The following POGK variants were observed in gnomAD, a reference collection of about 807,000 sequenced individuals.
POGK encodes the protein pogo transposable element derived with KRAB domain.
A neutral mutation model predicts 54.4 loss-of-function variants in POGK; 16 were observed. The ratio of observed to expected loss-of-function variants is 0.29; its 90% CI spans 0.20 to 0.45. The LOEUF is 0.45. Ranked by LOEUF, POGK falls within the 20% of genes least tolerant of loss-of-function variation. POGK has a pLI of 1.00. For synonymous variants in POGK, 271 were observed against 302.2 expected, an observed-to-expected ratio of 0.90 and a Z score of 1.07; for missense variants, 515 against 795.6, an observed-to-expected ratio of 0.65 and a Z score of 4.24.
chr1:166,845,902 T>A (rs1657825511), intron 2 of POGK, among the ~76,000 whole-genome samples: 1 of 152,160 alleles, frequency 6.6e-6, no homozygotes, highest in Non-Finnish European at 1.5e-5. Flanking sequence ...GCCTACCTGG[T>A]CCAGGATCAA....
In POGK at chr1:166,849,888, C is replaced by T. The variant is rs752253527; in HGVS notation, c.1309C>T (p.Arg437Trp). The T allele has an allele frequency of 1.2e-6, 2 of 1,614,182 alleles. No homozygotes were observed. The highest frequency in any genetic ancestry group is 1.3e-5 in the African/African-American group (1 of 75,046). Residue 437 changes from arginine (R) to tryptophan (W), a missense_variant, in exon 5 of 6, where the codon CGG (arginine) becomes TGG (tryptophan). Transcript: ENST00000367876. ...FPSGMEIRCH[R>W]YGWMTEDLMQ... is the part of the protein sequence containing the mutation. ...CAGTGGGATGGAAATTCGCTGCCAC[C>T]GGTATGGGTGGATGACTGAAGACTT...
At chr1:166,846,887 T>A in intron 3 of POGK, 149 bp downstream of exon 3, 1 of 1,127,348 alleles carries the variant, frequency 8.9e-7, no homozygotes, top group Non-Finnish European at 1.3e-6. Flanking sequence ...CAATTTTTGA[T>A]TTGGGCAGTA....
rs1658008325 is a variant in POGK at position 166,850,328 on chromosome 1, G to A, written c.1749G>A (p.Leu583=). ...ACTTGGAGGAGGAAGACGATGTCCTGTGGGAAATCGAGAGTGAGTTGCCAG... is the reference window on the plus strand; with the variant it reads ...ACTTGGAGGAGGAAGACGATGTCCTATGGGAAATCGAGAGTGAGTTGCCAG... The part of the protein sequence containing the change: ...SSNLEEEDDV[L]WEIESELPGG... Residue 583 remains leucine, a synonymous_variant, in exon 5 of 6, where the codon CTG becomes CTA. Coordinates refer to ENST00000367876, the MANE Select transcript of POGK (RefSeq NM_017542.5). The A allele has an allele frequency of 1.2e-6, 2 of 1,612,546 alleles. No homozygotes were observed. The highest frequency in any genetic ancestry group is 1.7e-6 in the Non-Finnish European group (2 of 1,179,284).
intron 4 of POGK, 97 bp downstream of exon 4, chr1:166,847,689 G>C: frequency 9.3e-5 from 84 of 906,306 alleles, no homozygotes; most frequent in Non-Finnish European, 1.2e-4. Context: ...GAGGTAGAAG[G>C]ATTATGGGTT....
rs1308043552 is a variant in POGK, at chr1:166,850,351, C to A, written c.1772C>A (p.Pro591Gln). 1 of 1,613,286 alleles carries A rather than the reference C, an allele frequency of 6.2e-7. No individual in the cohort carries two copies. Among genetic ancestry groups the A allele is most frequent in the Non-Finnish European group, 8.5e-7 (1 of 1,179,790 alleles). Residue 591 changes from proline to glutamine, a missense_variant, in exon 5 of 6, where the codon CCA becomes CAA. Physicochemically the swap from Pro to Gln is moderately conservative, Grantham distance 76. Transcript: ENST00000367876. ...DVLWEIESEL[P>Q]GGGEPPKDCD... is the part of the protein sequence containing the mutation. Reference sequence around the variant, plus strand: ...CTGTGGGAAATCGAGAGTGAGTTGCCAGGAGGAGGAGAACCACCAAAAGAT... The same window carrying A: ...CTGTGGGAAATCGAGAGTGAGTTGCAAGGAGGAGGAGAACCACCAAAAGAT...
At chr1:166,841,424 G>A (rs1046504347) in intron 2 of POGK, among the ~76,000 whole-genome samples, 4 of 152,192 alleles carry the variant, frequency 2.6e-5, no homozygotes, top group African/African-American at 9.7e-5. Context: ...CTTACTGCTG[G>A]TTGAAGGGAA....
rs1658236556 is a variant in POGK at position 166,855,280 on chromosome 1, ATTC to A, written c.*2712_*2714del. ...ATTCCTGCAGGAAAAAATAAGTTTT[ATTC>A]TAAGTCTGAAATTATATGGTTTCCA... On this transcript the variant is annotated 3_prime_UTR_variant, in exon 6 of 6. Transcript: ENST00000367876. 1 of 152,158 alleles carries A rather than the reference ATTC, an allele frequency of 6.6e-6. No homozygotes were observed. The highest frequency in any genetic ancestry group is 2.4e-5 in the African/African-American group (1 of 41,440). The allele number at this position is 152,158 out of a possible 1,614,324, so 9.4% of individuals were successfully genotyped here.
Position 166,848,968 on chromosome 1 carries a change from A to G in POGK, c.389A>G (p.Asp130Gly), listed in dbSNP as rs1329670652. The G allele has an allele frequency of 1.4e-5, 23 of 1,609,776 alleles. No homozygotes were observed. Among genetic ancestry groups the G allele is most frequent in the Non-Finnish European group, 1.7e-5 (20 of 1,178,526 alleles). Residue 130 changes from aspartate to glycine, a missense_variant, in exon 5 of 6, where the codon GAC (aspartate) becomes GGC (glycine). Physicochemically the swap from Asp to Gly is moderately conservative, Grantham distance 94 (BLOSUM62 -1). This residue lies in a region of POGK where 461 missense variants were observed against 743.5 expected (regional missense o/e 0.62). Coordinates refer to ENST00000367876, the MANE Select transcript of POGK (RefSeq NM_017542.5). ...ENEESDVKPP[D>G]WPNPMNATSQ... The stretch of plus-strand genomic sequence containing the variant: ...GAAGAATCTGACGTAAAGCCTCCAG[A>G]CTGGCCAAACCCAATGAATGCTACC...
intron 4 of POGK, among the ~76,000 whole-genome samples, 184 bp downstream of exon 4, chr1:166,847,776 GC>G (rs1489954496): frequency 2.0e-5 from 3 of 152,198 alleles, no homozygotes; most frequent in African/African-American, 7.2e-5. Context: ...TTACCTCAGA[GC>G]TTCCATTCTT....
Position 166,841,403 on chromosome 1 carries a change from ATGTT to A in POGK, c.132+320_132+323del, listed in dbSNP as rs1280256809. Among the ~76,000 whole-genome samples the A allele has an allele frequency of 5.3e-5, 8 of 152,284 alleles. No individual in the cohort carries two copies. The East Asian group carries it at 1.5e-3, about 29-fold the overall frequency. On this transcript the variant is annotated intron_variant, in intron 2 of 5. Coordinates refer to ENST00000367876, the MANE Select transcript of POGK (RefSeq NM_017542.5). ...CAGGCACATTGTAGGCACCAAGTAA[ATGTT>A]TGTTGACTTACTGCTGGTTGAAGGG... is the stretch of plus-strand genomic sequence containing the variant.
rs767478116 is a variant in POGK, at chr1:166,849,208, A to G, written c.629A>G (p.Glu210Gly). The G allele has an allele frequency of 1.9e-6, 3 of 1,614,190 alleles. No homozygotes were observed. Among genetic ancestry groups the G allele is most frequent in the Non-Finnish European group, 2.5e-6 (3 of 1,180,032 alleles). The change falls in exon 5 of 6, where the codon GAA (glutamate) becomes GGA (glycine). Residue 210 changes from glutamate (E) to glycine (G), a missense_variant. Physicochemically the swap from Glu to Gly is moderately conservative, Grantham distance 98 (BLOSUM62 -2). Transcript: ENST00000367876. The stretch of plus-strand genomic sequence containing the variant: ...GCAGGGTTCAAGCTGATGGTAGTGG[A>G]ATATGCTGAGAGTACCAACAACTGC... ...YDAGFKLMVVEYAESTNNCQA... is the reference protein window; with the variant it reads ...YDAGFKLMVVGYAESTNNCQA...
chr1:166,841,068 A>T lies in POGK; in HGVS notation c.112A>T (p.Ile38Phe). 6.2e-7 allele frequency: 1 copy of T among 1,613,942 alleles called. No individual in the cohort carries two copies. Among genetic ancestry groups the T allele is most frequent in the Non-Finnish European group, 8.5e-7 (1 of 1,179,950 alleles). Residue 38 changes from isoleucine (I) to phenylalanine (F), a missense_variant, in exon 2 of 6, where the codon ATC becomes TTC. By Grantham distance (21) the Ile-to-Phe change is conservative. Transcript: ENST00000367876. ...CCCGGCAGACATGCAGAAAGTACGA[A>T]TCTGCTCTGAGGGCGGATGGGTAAG... ...DGPADMQKVR[I>F]CSEGGWVPAL...
rs2101765198 is a variant in POGK at position 166,849,627 on chromosome 1, C to T, written c.1048C>T (p.Arg350Cys). ...VTYQRSVLAL[R>C]RAHDYEVAQM... ...TTACCAGCGCAGTGTCCTGGCTCTGCGCAGGGCGCATGACTATGAGGTAGC... is the reference window on the plus strand; with the variant it reads ...TTACCAGCGCAGTGTCCTGGCTCTGTGCAGGGCGCATGACTATGAGGTAGC... Residue 350 changes from arginine (R) to cysteine (C), a missense_variant, in exon 5 of 6, where the codon CGC becomes TGC. Around this residue, in one of 2 missense-constraint regions of POGK, gnomAD observed 461 missense variants for 743.5 expected, o/e 0.62. Coordinates refer to ENST00000367876, the MANE Select transcript of POGK (RefSeq NM_017542.5). 9 of 1,614,280 alleles carry T rather than the reference C, an allele frequency of 5.6e-6. No homozygotes were observed. Among genetic ancestry groups the T allele is most frequent in the Non-Finnish European group, 7.6e-6 (9 of 1,180,058 alleles).
At chr1:166,847,997 A>G (rs985811243) in intron 4 of POGK, among the ~76,000 whole-genome samples, 7 of 152,230 alleles carry the variant, frequency 4.6e-5, no homozygotes, top group Non-Finnish European at 7.3e-5. Context: ...ACTGGATAGA[A>G]AAAGCAATAG....
Position 166,849,628 on chromosome 1 carries a change from G to A in POGK, c.1049G>A (p.Arg350His). Residue 350 changes from arginine (R) to histidine (H), a missense_variant, in exon 5 of 6, where the codon CGC (arginine) becomes CAC (histidine). This residue lies in a region of POGK where 461 missense variants were observed against 743.5 expected (regional missense o/e 0.62). Coordinates refer to ENST00000367876, the MANE Select transcript of POGK (RefSeq NM_017542.5). ...TACCAGCGCAGTGTCCTGGCTCTGC[G>A]CAGGGCGCATGACTATGAGGTAGCT... ...VTYQRSVLAL[R>H]RAHDYEVAQM... 4.3e-6 allele frequency: 7 copies of A among 1,614,270 alleles called. No homozygotes were observed. The highest frequency in any genetic ancestry group is 1.7e-5 in the Admixed American group (1 of 60,036).
In POGK at chr1:166,850,326, C is replaced by T; in HGVS notation, c.1747C>T (p.Leu583=). The change falls in exon 5 of 6, where the codon CTG becomes TTG. Residue 583 remains leucine (L), a synonymous_variant. Transcript: ENST00000367876. The part of the protein sequence containing the change: ...SSNLEEEDDV[L]WEIESELPGG... ...CAACTTGGAGGAGGAAGACGATGTC[C>T]TGTGGGAAATCGAGAGTGAGTTGCC... is the stretch of plus-strand genomic sequence containing the variant. 7 of 1,612,224 alleles carry T rather than the reference C, an allele frequency of 4.3e-6. No individual in the cohort carries two copies. Among genetic ancestry groups the T allele is most frequent in the Non-Finnish European group, 5.9e-6 (7 of 1,179,134 alleles).
chr1:166,841,333 C>G (rs1657503777), intron 2 of POGK, among the ~76,000 whole-genome samples: 1 of 152,238 alleles, frequency 6.6e-6, no homozygotes, highest in African/African-American at 2.4e-5. Flanking sequence ...AAGCCAGGAC[C>G]TTGTCTCTCT....
chr1:166,851,961 CAAATT>C (rs1658082170), intron 5 of POGK: 1 of 152,138 alleles, frequency 6.6e-6, no homozygotes, highest in Non-Finnish European at 1.5e-5. Flanking sequence ...GCCTTGCTTC[CAAATT>C]AAATTGTACT....
At position 166,839,475 on chromosome 1, in the gene POGK, A is replaced by C. The variant is rs1657375396; in HGVS notation, c.-132A>C. The C allele has an allele frequency of 6.6e-6, 1 of 150,422 alleles. No homozygotes were observed. The allele number at this position is 150,422 out of a possible 1,614,324, so 9.3% of individuals were successfully genotyped here. A position where few individuals can be genotyped will look rare whatever the true frequency, so the allele number is the denominator to read the frequency against. On this transcript the variant is annotated 5_prime_UTR_variant, in exon 1 of 6. Coordinates refer to ENST00000367876, the MANE Select transcript of POGK (RefSeq NM_017542.5). ...GGGCCGGACCCTCCCTCCTCCCACC[A>C]CGTGTCCTCCCCGCTCCCTCCCGAG...
Sources: gnomAD v4.1 joint callset for allele counts (sites outside exome capture counted in the v4.1 genomes callset) on GRCh38, gnomAD v4.1.1 for gene constraint, gnomAD v4.1.1 regional missense constraint, MANE v1.5 for transcripts, NCBI Gene and HGNC (gene_info 2026-07-23, HGNC 2026-07-21) for gene names.